Variants in ADGRB3 observed in about 807,000 individuals in gnomAD.
The protein encoded by ADGRB3 is adhesion G protein-coupled receptor B3, also known as brain-specific angiogenesis inhibitor 3.
ADGRB3 carries 37 observed loss-of-function variants against 193.4 expected under a neutral mutation model. That is an observed-to-expected ratio of 0.19 (90% CI 0.15 to 0.25). The LOEUF (loss-of-function observed/expected upper bound fraction) is 0.25. Among genes scored for constraint, ADGRB3 ranks in the 10% least tolerant of loss-of-function variants. The pLI is 1.00. For synonymous variants in ADGRB3, 690 were observed against 644.2 expected, an observed-to-expected ratio of 1.07 and a Z score of -1.08; for missense variants, 1,637 against 1,852.9, an observed-to-expected ratio of 0.88 and a Z score of 2.14.
At chr6:68,971,247 A>G (rs888262514) in intron 8 of ADGRB3, among the ~76,000 whole-genome samples, 5 of 152,232 alleles carry the variant, frequency 3.3e-5, no homozygotes, top group Non-Finnish European at 5.9e-5. Context: ...ACAATACAGT[A>G]TAGCAACTAT....
chr6:68,796,917 G>A (rs1182986913), intron 3 of ADGRB3, among the ~76,000 whole-genome samples: 1 of 152,066 alleles, frequency 6.6e-6, no homozygotes, highest in Non-Finnish European at 1.5e-5. Flanking sequence ...GAAAGGAAGA[G>A]AATCTCAGAG....
chr6:68,921,129 C>A (rs1767032165), intron 3 of ADGRB3, among the ~76,000 whole-genome samples: 1 of 151,952 alleles, frequency 6.6e-6, no homozygotes, highest in Non-Finnish European at 1.5e-5. Flanking sequence ...ATGGTAAAGA[C>A]AAACTCTAAA....
intron 17 of ADGRB3, among the ~76,000 whole-genome samples, chr6:69,099,499 G>A (rs1772972794): frequency 6.6e-6 from 1 of 152,196 alleles, no homozygotes; most frequent in Non-Finnish European, 1.5e-5. Context: ...GCTTATGCAT[G>A]AGTACAAAGT....
chr6:69,349,871 G>A (rs1202462593), intron 26 of ADGRB3, among the ~76,000 whole-genome samples: 1 of 152,196 alleles, frequency 6.6e-6, no homozygotes, highest in Non-Finnish European at 1.5e-5. Flanking sequence ...GCTAAATACA[G>A]AGCCCGTTTC....
chr6:69,039,557 A>C (rs780121375), intron 13 of ADGRB3, among the ~76,000 whole-genome samples: 8 of 152,150 alleles, frequency 5.3e-5, no homozygotes, highest in Non-Finnish European at 1.0e-4. Flanking sequence ...GAAAGTAGAC[A>C]GGAACAACAT....
At chr6:69,057,919 T>G (rs1412596944) in intron 15 of ADGRB3, among the ~76,000 whole-genome samples, 1 of 151,958 alleles carries the variant, frequency 6.6e-6, no homozygotes, top group Admixed American at 6.6e-5. Flanking sequence ...AGTATCTTTG[T>G]CTGATTTCAG....
intron 20 of ADGRB3, among the ~76,000 whole-genome samples, chr6:69,262,749 A>T (rs1437330134): frequency 6.6e-6 from 1 of 151,868 alleles, no homozygotes; most frequent in Non-Finnish European, 1.5e-5. Flanking sequence ...TTCTTCTTTT[A>T]TTTTATTAGC....
chr6:69,061,417 C>T (rs1376310783), intron 15 of ADGRB3, among the ~76,000 whole-genome samples: 2 of 151,948 alleles, frequency 1.3e-5, no homozygotes, highest in East Asian at 1.9e-4. Context: ...ATGGTTCCAC[C>T]GTATCAGAAC....
chr6:68,861,510 C>T (rs748722655), intron 3 of ADGRB3, among the ~76,000 whole-genome samples: 3 of 151,816 alleles, frequency 2.0e-5, no homozygotes, highest in South Asian at 2.1e-4. Flanking sequence ...TGCAGTGAGC[C>T]GAGATCGCGC....
At chr6:69,110,761 A>T (rs374682649) in intron 17 of ADGRB3, among the ~76,000 whole-genome samples, 2 of 151,578 alleles carry the variant, frequency 1.3e-5, no homozygotes, top group Non-Finnish European at 3.0e-5. Context: ...TGATGGAAAC[A>T]GGGGTTTGTG....
At chr6:68,700,359 CT>C (rs376861265) in intron 3 of ADGRB3, among the ~76,000 whole-genome samples, 110 of 151,274 alleles carry the variant, frequency 7.3e-4, no homozygotes, top group African/African-American at 2.0e-3. Context: ...TTCAAAACAC[CT>C]TTTTTTTTCT....
At chr6:68,849,597 A>G (rs1322031369) in intron 3 of ADGRB3, among the ~76,000 whole-genome samples, 1 of 151,972 alleles carries the variant, frequency 6.6e-6, no homozygotes, top group Non-Finnish European at 1.5e-5. Context: ...AATACAAATA[A>G]TACTGAAAAT....
chr6:68,964,319 G>C (rs1768317349), intron 8 of ADGRB3, among the ~76,000 whole-genome samples: 1 of 152,138 alleles, frequency 6.6e-6, no homozygotes, highest in South Asian at 2.1e-4. Context: ...GTTCTACCCT[G>C]TCATGGGAGG....
At chr6:68,818,955 A>G (rs1003997027) in intron 3 of ADGRB3, among the ~76,000 whole-genome samples, 3 of 151,962 alleles carry the variant, frequency 2.0e-5, no homozygotes, top group Non-Finnish European at 4.4e-5. Flanking sequence ...GTAACATTTG[A>G]ACTGAAAGGA....
At chr6:69,038,305 C>A (rs571533152) in intron 13 of ADGRB3, among the ~76,000 whole-genome samples, 2 of 148,800 alleles carry the variant, frequency 1.3e-5, no homozygotes, top group African/African-American at 4.9e-5. Context: ...CCTTGAGTAT[C>A]AAATATGATA....
chr6:68,772,087 A>G (rs75279354), intron 3 of ADGRB3, among the ~76,000 whole-genome samples: 3,376 of 152,288 alleles, frequency 0.022, 61 homozygotes, highest in South Asian at 0.075. Context: ...ATTGGAATGC[A>G]AAGAACCTAA....
chr6:68,793,304 A>G (rs1481283935), intron 3 of ADGRB3, among the ~76,000 whole-genome samples: 1 of 152,102 alleles, frequency 6.6e-6, no homozygotes, highest in Non-Finnish European at 1.5e-5. Context: ...AAACCAACAG[A>G]TCACACATTT....
intron 20 of ADGRB3, among the ~76,000 whole-genome samples, chr6:69,251,151 C>T (rs1490994002): frequency 6.6e-6 from 1 of 152,216 alleles, no homozygotes; most frequent in African/African-American, 2.4e-5. Context: ...CAATTACATG[C>T]TTTTCCTAGC....
chr6:68,648,824 A>C (rs183652772), intron 3 of ADGRB3, among the ~76,000 whole-genome samples: 44 of 151,558 alleles, frequency 2.9e-4, no homozygotes, highest in African/African-American at 9.9e-4. Flanking sequence ...TTATGTACCT[A>C]AACACTAATA....
Sources: gnomAD v4.1 joint callset for allele counts (sites outside exome capture counted in the v4.1 genomes callset) on GRCh38, gnomAD v4.1.1 for gene constraint, MANE v1.5 for transcripts, NCBI Gene and HGNC (gene_info 2026-07-23, HGNC 2026-07-21) for gene names.